Variants in SLC24A2 observed in about 807,000 individuals in gnomAD.
The protein encoded by SLC24A2 is solute carrier family 24 member 2, also known as sodium/potassium/calcium exchanger 2.
Under a neutral mutation model 62.0 loss-of-function variants are expected in SLC24A2, and 36 were observed. That is an observed-to-expected ratio of 0.58 (90% confidence interval 0.44 to 0.77). SLC24A2 has a LOEUF of 0.77. Ranked by LOEUF, SLC24A2 falls within the 30% of genes least tolerant of loss-of-function variation. The pLI, the probability that SLC24A2 is intolerant of heterozygous loss-of-function variation, is 0.00. For missense variants in SLC24A2, 846 were observed against 817.9 expected (o/e 1.03, Z -0.42); for synonymous variants, 358 against 294.0 (o/e 1.22, Z -2.23).
At chr9:19,885,913 G>A in the SLC24A2 span, among the ~76,000 whole-genome samples, 1 of 152,078 alleles carries the variant, frequency 6.6e-6, no homozygotes, top group Non-Finnish European at 1.5e-5. Context: ...CCATGTTGCC[G>A]TAAAGGACAC....
chr9:20,162,436 G>C, the SLC24A2 span, among the ~76,000 whole-genome samples: 1 of 151,982 alleles, frequency 6.6e-6, no homozygotes, highest in Admixed American at 6.6e-5. Flanking sequence ...CCAGGAAGAA[G>C]TTGAATTTCT....
At chr9:20,137,893 T>G in the SLC24A2 span, among the ~76,000 whole-genome samples, 1 of 152,198 alleles carries the variant, frequency 6.6e-6, no homozygotes, top group East Asian at 1.9e-4. Context: ...TAACTAAGTT[T>G]AAAAGTTAGA....
chr9:20,238,895 C>A, the SLC24A2 span, among the ~76,000 whole-genome samples: 1 of 152,162 alleles, frequency 6.6e-6, no homozygotes, highest in Non-Finnish European at 1.5e-5. Flanking sequence ...AAAGAGAGAT[C>A]TCCTTCTCTC....
At chr9:19,870,552 A>G in the SLC24A2 span, among the ~76,000 whole-genome samples, 2 of 152,172 alleles carry the variant, frequency 1.3e-5, no homozygotes, top group African/African-American at 4.8e-5. Context: ...GTCATATGGT[A>G]ATCCTGTGTT....
chr9:19,631,096 T>C (rs1358339154), intron 2 of SLC24A2, among the ~76,000 whole-genome samples: 1 of 152,208 alleles, frequency 6.6e-6, no homozygotes, highest in Non-Finnish European at 1.5e-5. Context: ...TTGAGCACCC[T>C]TCTGAGGGCA....
chr9:19,595,318 C>T lies in SLC24A2; in HGVS notation c.1129+1911G>A, dbSNP rs1836676462. Among the ~76,000 whole-genome samples the T allele has an allele frequency of 2.6e-5, 4 of 152,202 alleles. No homozygotes were observed. In the South Asian group the frequency reaches 8.3e-4, roughly 31 times the overall value. On this transcript the variant is annotated intron_variant, in intron 5 of 10. Coordinates refer to ENST00000341998, the MANE Select transcript of SLC24A2 (RefSeq NM_020344.4). ...CTTGTTGTTGAAAAATTCTTAGTGA[C>T]ATCCTATGAAACCAGCATTTCACTT...
intron 8 of SLC24A2, among the ~76,000 whole-genome samples, chr9:19,549,091 G>C (rs552410217): frequency 6.6e-6 from 1 of 152,304 alleles, no homozygotes; most frequent in East Asian, 1.9e-4. Flanking sequence ...GTTGTAATTT[G>C]CTGATGTTGT....
chr9:20,198,670 A>ACT, the SLC24A2 span, among the ~76,000 whole-genome samples: 56 of 143,414 alleles, frequency 3.9e-4, no homozygotes, highest in African/African-American at 1.2e-3. Context: ...TCTCTCTCTC[A>ACT]CTCTCTCTCT....
chr9:19,706,985 T>A (rs1820547587), intron 2 of SLC24A2, among the ~76,000 whole-genome samples: 1 of 151,402 alleles, frequency 6.6e-6, no homozygotes, highest in South Asian at 2.1e-4. Flanking sequence ...TTTGAAAGGA[T>A]CAACAAAATT....
At chr9:20,181,475 A>T in the SLC24A2 span, among the ~76,000 whole-genome samples, 3 of 152,178 alleles carry the variant, frequency 2.0e-5, no homozygotes, top group Non-Finnish European at 4.4e-5. Context: ...CCTCATAAAT[A>T]ACACCACACA....
At chr9:19,973,887 A>G in the SLC24A2 span, among the ~76,000 whole-genome samples, 6 of 152,202 alleles carry the variant, frequency 3.9e-5, no homozygotes, top group African/African-American at 1.4e-4. Flanking sequence ...AATTTTAAAA[A>G]TTGACTAGCT....
the SLC24A2 span, among the ~76,000 whole-genome samples, chr9:20,065,647 T>A: frequency 2.0e-5 from 3 of 152,198 alleles, no homozygotes; most frequent in Non-Finnish European, 4.4e-5. Context: ...ATAGCTAATA[T>A]TATACATTAT....
At chr9:19,642,671 CT>C (rs71335440) in intron 2 of SLC24A2, among the ~76,000 whole-genome samples, 8,234 of 78,996 alleles carry the variant, frequency 0.1, 1,174 homozygotes, top group African/African-American at 0.16. Context: ...AGAGCGTATT[CT>C]TTTTTTTTTT....
At chr9:19,845,694 G>T in the SLC24A2 span, among the ~76,000 whole-genome samples, 33 of 152,072 alleles carry the variant, frequency 2.2e-4, no homozygotes, top group African/African-American at 6.0e-4. Context: ...CATTATTCTG[G>T]GATCTATTTA....
At chr9:19,981,343 G>C in the SLC24A2 span, among the ~76,000 whole-genome samples, 1 of 152,094 alleles carries the variant, frequency 6.6e-6, no homozygotes, top group East Asian at 1.9e-4. Flanking sequence ...TAGAATCTCT[G>C]ACTCCAAGGT....
At chr9:19,796,818 A>G in the SLC24A2 span, among the ~76,000 whole-genome samples, 25 of 152,134 alleles carry the variant, frequency 1.6e-4, no homozygotes, top group African/African-American at 5.8e-4. Context: ...GCAGTGTTCT[A>G]TATCTTGATG....
intron 2 of SLC24A2, among the ~76,000 whole-genome samples, chr9:19,693,781 CTTTA>C (rs531787973): frequency 9.3e-4 from 141 of 152,070 alleles, no homozygotes; most frequent in African/African-American, 3.0e-3. Context: ...CCGAGGCACT[CTTTA>C]TTTATTTATT....
At chr9:20,186,552 A>T in the SLC24A2 span, among the ~76,000 whole-genome samples, 3 of 152,048 alleles carry the variant, frequency 2.0e-5, no homozygotes, top group Non-Finnish European at 2.9e-5. Context: ...ACTACAACCT[A>T]CTTTTGCTGT....
At chr9:19,806,125 A>G in the SLC24A2 span, among the ~76,000 whole-genome samples, 1 of 152,202 alleles carries the variant, frequency 6.6e-6, no homozygotes, top group African/African-American at 2.4e-5. Flanking sequence ...TTTTAAAAAT[A>G]TAATTGTCTA....
Sources: gnomAD v4.1 joint callset for allele counts (sites outside exome capture counted in the v4.1 genomes callset) on GRCh38, gnomAD v4.1.1 for gene constraint, MANE v1.5 for transcripts, NCBI Gene and HGNC (gene_info 2026-07-23, HGNC 2026-07-21) for gene names.